FGGY: variants seen among roughly 807,000 people sequenced by gnomAD.
FGGY encodes the protein FGGY carbohydrate kinase domain containing.
A neutral mutation model predicts 71.3 loss-of-function variants in FGGY; 72 were observed. The observed-to-expected ratio is 1.01, with a 90% CI of 0.84 to 1.23. The LOEUF is 1.23. Ranked by LOEUF, FGGY falls within the 50% of genes most tolerant of loss-of-function variation. FGGY has a pLI of 0.00. For missense variants in FGGY, 668 were observed against 682.3 expected (o/e 0.98, Z 0.23); for synonymous variants, 251 against 250.3 (o/e 1.00, Z -0.02).
At chr1:59,521,722 T>C (rs577293722) in intron 7 of FGGY, among the ~76,000 whole-genome samples, 1 of 152,308 alleles carries the variant, frequency 6.6e-6, no homozygotes, top group East Asian at 1.9e-4. Context: ...GAGTCAAATT[T>C]AGAATCTGAG....
chr1:59,626,649 G>A (rs2096859382), intron 10 of FGGY: 1 of 152,298 alleles, frequency 6.6e-6, no homozygotes, highest in Admixed American at 6.5e-5. Context: ...CGAGTTCAGA[G>A]ATCGAGACCA....
At chr1:59,419,991 T>A (rs1557864951) in intron 5 of FGGY, among the ~76,000 whole-genome samples, 1 of 152,156 alleles carries the variant, frequency 6.6e-6, no homozygotes, top group Non-Finnish European at 1.5e-5. Flanking sequence ...TAATTCAAAA[T>A]GAGATAATGT....
intron 6 of FGGY, among the ~76,000 whole-genome samples, chr1:59,464,547 CA>C (rs1243081422): frequency 6.6e-6 from 1 of 151,406 alleles, no homozygotes; most frequent in East Asian, 1.9e-4. Context: ...GACACACACA[CA>C]AAAAAACCCT....
chr1:59,734,685 C>T (rs1027450841), intron 14 of FGGY, among the ~76,000 whole-genome samples: 3 of 152,260 alleles, frequency 2.0e-5, no homozygotes, highest in Non-Finnish European at 4.4e-5. Context: ...CCGAGACCCT[C>T]CTCTCCCCTC....
intron 8 of FGGY, among the ~76,000 whole-genome samples, chr1:59,592,881 C>T (rs1239657057): frequency 6.6e-6 from 1 of 152,072 alleles, no homozygotes; most frequent in East Asian, 1.9e-4. Flanking sequence ...CACATGTATA[C>T]ATATATAACT....
At chr1:59,550,236 G>C (rs1272861762) in intron 7 of FGGY, among the ~76,000 whole-genome samples, 1 of 152,112 alleles carries the variant, frequency 6.6e-6, no homozygotes, top group Non-Finnish European at 1.5e-5. Context: ...ATTGTTTCCT[G>C]ATGTACACAT....
At chr1:59,673,592 T>G (rs1472775499) in intron 13 of FGGY, 1 of 173,594 alleles carries the variant, frequency 5.8e-6, no homozygotes, top group Non-Finnish European at 1.3e-5. Context: ...CCTTAGCACA[T>G]CTCAGTTAGA....
chr1:59,746,722 G>A (rs994990995), intron 14 of FGGY, among the ~76,000 whole-genome samples: 3 of 152,068 alleles, frequency 2.0e-5, no homozygotes, highest in East Asian at 1.9e-4. Flanking sequence ...TTTCAAACTC[G>A]TTTCAAGCGA....
chr1:59,565,786 T>C (rs2095864682), intron 8 of FGGY, among the ~76,000 whole-genome samples: 1 of 152,236 alleles, frequency 6.6e-6, no homozygotes, highest in Non-Finnish European at 1.5e-5. Context: ...GGATCACAGC[T>C]AGACCGCAGT....
chr1:59,327,676 A>G (rs916325876), intron 2 of FGGY, among the ~76,000 whole-genome samples: 12 of 152,234 alleles, frequency 7.9e-5, no homozygotes, highest in Non-Finnish European at 1.6e-4. Flanking sequence ...ATCTAGATCA[A>G]TTAGAGGAAT....
intron 7 of FGGY, among the ~76,000 whole-genome samples, chr1:59,547,810 G>A (rs1166479549): frequency 1.3e-5 from 2 of 152,104 alleles, no homozygotes; most frequent in African/African-American, 2.4e-5. Context: ...TTTAAGACAC[G>A]GAGCCTTTGT....
At chr1:59,728,272 C>T (rs1033249390) in intron 14 of FGGY, among the ~76,000 whole-genome samples, 8 of 151,964 alleles carry the variant, frequency 5.3e-5, no homozygotes, top group Non-Finnish European at 5.9e-5. Context: ...CTTCAGATAA[C>T]GCTATACCAC....
intron 7 of FGGY, among the ~76,000 whole-genome samples, chr1:59,534,873 A>C (rs1485588786): frequency 6.6e-6 from 1 of 152,212 alleles, no homozygotes; most frequent in East Asian, 1.9e-4. Context: ...GCCACTGCAA[A>C]ATCATGCCAA....
intron 9 of FGGY, among the ~76,000 whole-genome samples, chr1:59,624,300 G>A (rs1448852968): frequency 6.6e-6 from 1 of 152,102 alleles, no homozygotes; most frequent in African/African-American, 2.4e-5. Context: ...ACCTAGATTT[G>A]TCGTTACTTT....
intron 12 of FGGY, among the ~76,000 whole-genome samples, chr1:59,665,895 G>A (rs112650455): frequency 3.3e-5 from 5 of 152,118 alleles, no homozygotes; most frequent in East Asian, 3.9e-4. Flanking sequence ...GGATGGTCCC[G>A]ATCTCCTGAC....
chr1:59,746,385 C>T (rs1249591751), intron 14 of FGGY, among the ~76,000 whole-genome samples: 1 of 152,174 alleles, frequency 6.6e-6, no homozygotes, highest in East Asian at 1.9e-4. Flanking sequence ...AATAAAGTTT[C>T]TGGGAAAATA....
rs746682032 is a variant in FGGY at position 59,321,542 on chromosome 1, G to T, written c.-8G>T. On this transcript the variant is annotated 5_prime_UTR_variant, in exon 2 of 16. Transcript: ENST00000303721. ...TTACACTTGCTTACTATAGGTGGAG[G>T]AACTGCAATGTCTGGTGGAGAACAG... 1 of 1,613,498 alleles carries T rather than the reference G, an allele frequency of 6.2e-7. No individual in the cohort carries two copies. The highest frequency in any genetic ancestry group is 8.5e-7 in the Non-Finnish European group (1 of 1,179,762).
intron 8 of FGGY, among the ~76,000 whole-genome samples, chr1:59,571,373 T>C (rs1485990535): frequency 6.6e-6 from 1 of 152,212 alleles, no homozygotes; most frequent in Admixed American, 6.5e-5. Context: ...GAGAAAATGG[T>C]GAGCAGTAGA....
chr1:59,622,019 T>C (rs1469351934), intron 9 of FGGY, among the ~76,000 whole-genome samples: 1 of 151,964 alleles, frequency 6.6e-6, no homozygotes, highest in East Asian at 1.9e-4. Flanking sequence ...ATTCTCTCTC[T>C]CTCTTTCTCT....
Sources: gnomAD v4.1 joint callset for allele counts (sites outside exome capture counted in the v4.1 genomes callset) on GRCh38, gnomAD v4.1.1 for gene constraint, MANE v1.5 for transcripts, NCBI Gene and HGNC (gene_info 2026-07-23, HGNC 2026-07-21) for gene names.